The following AKAP9 variants were observed in gnomAD, a reference collection of about 807,000 sequenced individuals.
AKAP9 encodes the protein A-kinase anchoring protein 9, also known as A-kinase anchor protein 9.
A neutral mutation model predicts 488.5 loss-of-function variants in AKAP9; 311 were observed. The observed-to-expected ratio is 0.64, with a 90% CI of 0.58 to 0.70. The LOEUF is 0.70. Ranked by LOEUF, AKAP9 falls within the 30% of genes least tolerant of loss-of-function variation. The probability of loss-of-function intolerance (pLI) is 0.00; values close to 1 mark genes in which losing one functional copy is unlikely to be tolerated. For missense variants in AKAP9, 4,215 were observed against 4,374.5 expected, an observed-to-expected ratio of 0.96 and a Z score of 1.03; for synonymous variants, 1,462 against 1,483.5, an observed-to-expected ratio of 0.99 and a Z score of 0.33.
chr7:92,001,888 T>C lies in AKAP9; in HGVS notation c.1971T>C (p.Asp657=), dbSNP rs780289108. ...EHRINIEKLK[D]NLGIHYKQQI... is the part of the protein sequence containing the mutation. Reference sequence around the variant, plus strand: ...GAATAAATATTGAAAAACTTAAAGATAATTTAGGCATTCACTATAAACAGC... The same window carrying C: ...GAATAAATATTGAAAAACTTAAAGACAATTTAGGCATTCACTATAAACAGC... The change falls in exon 8 of 50, where the codon GAT becomes GAC. Residue 657 remains aspartate (D), a synonymous_variant. Transcript: ENST00000356239. The C allele has an allele frequency of 6.2e-7, 1 of 1,612,812 alleles. No homozygotes were observed. The highest frequency in any genetic ancestry group is 1.1e-5 in the South Asian group (1 of 91,004).
At chr7:91,992,494 T>C (rs1435630264) in intron 4 of AKAP9, among the ~76,000 whole-genome samples, 1 of 151,834 alleles carries the variant, frequency 6.6e-6, no homozygotes, top group Non-Finnish European at 1.5e-5. Context: ...TGAAACCGCA[T>C]CTCTACTATA....
chr7:92,044,603 A>G (rs987198526), intron 20 of AKAP9, among the ~76,000 whole-genome samples: 2 of 152,222 alleles, frequency 1.3e-5, no homozygotes, highest in African/African-American at 4.8e-5. Context: ...TGCAAAATAC[A>G]TATGTATAAC....
intron 35 of AKAP9, among the ~76,000 whole-genome samples, 164 bp downstream of exon 35, chr7:92,085,104 A>C (rs995313072): frequency 1.3e-5 from 2 of 152,224 alleles, no homozygotes; most frequent in Non-Finnish European, 2.9e-5. Flanking sequence ...ACAGATAATA[A>C]AGTAAGAGAT....
chr7:92,062,546 G>T (rs924765425), intron 24 of AKAP9, 60 bp downstream of exon 24: 81 of 1,445,602 alleles, frequency 5.6e-5, no homozygotes, highest in Non-Finnish European at 7.5e-5. Context: ...TTCTTCAAAG[G>T]CTTAAGGTGG....
intron 25 of AKAP9, 101 bp from the exon 26 acceptor site, chr7:92,066,326 C>A: frequency 6.9e-7 from 1 of 1,451,144 alleles, no homozygotes; most frequent in Non-Finnish European, 9.6e-7. Context: ...AGTCCTTTGT[C>A]TTCAAACAAA....
intron 44 of AKAP9, 52 bp from the exon 45 acceptor site, chr7:92,100,804 T>C (rs1400231271): frequency 8.8e-6 from 14 of 1,598,606 alleles, no homozygotes; most frequent in Non-Finnish European, 1.2e-5. Flanking sequence ...TTAATATGTT[T>C]AGCTCAGACT....
chr7:92,013,149 G>A (rs1160159399), intron 9 of AKAP9, among the ~76,000 whole-genome samples: 8 of 150,518 alleles, frequency 5.3e-5, no homozygotes, highest in African/African-American at 1.7e-4. Flanking sequence ...CCGCCACTAC[G>A]CCCGGCTAAT....
chr7:92,016,939 T>C (rs1801593926), intron 11 of AKAP9, 78 bp from the exon 12 acceptor site: 1 of 1,113,302 alleles, frequency 9.0e-7, no homozygotes, highest in Non-Finnish European at 1.3e-6. Flanking sequence ...AAGTTATAAA[T>C]AGGTGAATAA....
At chr7:92,077,346 C>A (rs1314539023) in intron 29 of AKAP9, among the ~76,000 whole-genome samples, 1 of 152,000 alleles carries the variant, frequency 6.6e-6, no homozygotes, top group Non-Finnish European at 1.5e-5. Flanking sequence ...CTGTCTTGGC[C>A]TCCCAAAGTG....
chr7:92,024,237 C>T (rs943394704), intron 14 of AKAP9, among the ~76,000 whole-genome samples: 2 of 151,434 alleles, frequency 1.3e-5, no homozygotes, highest in Non-Finnish European at 2.9e-5. Flanking sequence ...TATGGCAAAC[C>T]TCCATCTCTA....
Position 92,102,541 on chromosome 7 carries a change from G to A in AKAP9, c.11098-53G>A, listed in dbSNP as rs938884002. The A allele has an allele frequency of 1.2e-5, 18 of 1,500,578 alleles. No individual in the cohort carries two copies. The African/African-American group carries it at 2.2e-4, about 18-fold the overall frequency. The allele number at this position is 1,500,578 out of a possible 1,614,324, so 93.0% of individuals were successfully genotyped here. On this transcript the variant is annotated intron_variant, in intron 45 of 49. Transcript: ENST00000356239. The stretch of plus-strand genomic sequence containing the variant: ...AATCTAGGTTATTTTCCCCTAGAGA[G>A]CAGGGTGAATGTTTTCTTAATGTCT...
At chr7:91,973,059 G>A (rs1795280942) in intron 1 of AKAP9, among the ~76,000 whole-genome samples, 1 of 152,176 alleles carries the variant, frequency 6.6e-6, no homozygotes, top group African/African-American at 2.4e-5. Context: ...ATGTGTGTAT[G>A]TGTGTGTTTT....
chr7:91,981,309 A>G (rs1796377579), intron 3 of AKAP9, among the ~76,000 whole-genome samples: 1 of 152,186 alleles, frequency 6.6e-6, no homozygotes, highest in Non-Finnish European at 1.5e-5. Flanking sequence ...CCAACCACAG[A>G]TAGAAAATAT....
At chr7:92,109,049 GAAAA>G (rs36114838) in intron 49 of AKAP9, 42 of 176,154 alleles carry the variant, frequency 2.4e-4, no homozygotes, top group Non-Finnish European at 3.0e-4. Flanking sequence ...CTGTCTCAAA[GAAAA>G]AAAAAAAAAA....
intron 21 of AKAP9, among the ~76,000 whole-genome samples, chr7:92,051,002 C>T (rs1374666129): frequency 3.3e-5 from 5 of 152,102 alleles, no homozygotes; most frequent in Admixed American, 3.3e-4. Flanking sequence ...TTTAACTTAC[C>T]TCTGCATTGC....
intron 1 of AKAP9, among the ~76,000 whole-genome samples, chr7:91,966,602 G>A (rs753934568): frequency 3.3e-5 from 5 of 152,078 alleles, no homozygotes; most frequent in Non-Finnish European, 7.4e-5. Context: ...TTTCTGTGTG[G>A]ATGTTGTATA....
In AKAP9 at chr7:92,097,776, C is replaced by G. The variant is rs774277660; in HGVS notation, c.10589C>G (p.Pro3530Arg). The G allele has an allele frequency of 6.2e-7, 1 of 1,613,986 alleles. No individual in the cohort carries two copies. Residue 3530 changes from proline (P) to arginine (R), a missense_variant, in exon 42 of 50, where the codon CCC becomes CGC. Pro to Arg is a moderately radical substitution (Grantham distance 103). Coordinates refer to ENST00000356239, the MANE Select transcript of AKAP9 (RefSeq NM_005751.5). ...QCVASKLQVL[P>R]QKASERLQFE... is the part of the protein sequence containing the mutation. ...GTAGCTTCAAAACTACAGGTTCTAC[C>G]CCAGAAAGCCTCTGAGAGGTTAGAC... is the stretch of plus-strand genomic sequence containing the variant.
At chr7:92,019,496 C>T (rs1802017450) in intron 12 of AKAP9, among the ~76,000 whole-genome samples, 1 of 151,486 alleles carries the variant, frequency 6.6e-6, no homozygotes, top group African/African-American at 2.4e-5. Flanking sequence ...ACTGGTCAGC[C>T]AATATTTATT....
At chr7:91,943,990 A>G (rs1188606577) in intron 1 of AKAP9, among the ~76,000 whole-genome samples, 1 of 152,176 alleles carries the variant, frequency 6.6e-6, no homozygotes, top group African/African-American at 2.4e-5. Context: ...AAACAGTTCC[A>G]TTGGAAAATT....
Sources: allele counts gnomAD v4.1 joint callset (sites outside exome capture counted in the v4.1 genomes callset), GRCh38; gene constraint gnomAD v4.1.1; transcripts MANE v1.5; gene names NCBI Gene and HGNC (gene_info 2026-07-23, HGNC 2026-07-21).